Variants in PRTFDC1 observed in about 807,000 individuals in gnomAD.
PRTFDC1 encodes phosphoribosyltransferase domain-containing protein 1.
PRTFDC1 carries 38 observed loss-of-function variants against 34.6 expected under a neutral mutation model. The ratio of observed to expected loss-of-function variants is 1.10; its 90% CI spans 0.85 to 1.44. PRTFDC1 has a LOEUF of 1.44. Among genes scored for constraint, PRTFDC1 ranks in the 40% most tolerant of loss-of-function variants. The pLI, the probability that PRTFDC1 is intolerant of heterozygous loss-of-function variation, is 0.00. For synonymous variants in PRTFDC1, 93 were observed against 98.1 expected (o/e 0.95, Z 0.31); for missense variants, 270 against 283.0 (o/e 0.95, Z 0.33).
At chr10:24,873,857 T>G (rs577987753) in intron 3 of PRTFDC1, among the ~76,000 whole-genome samples, 1 of 151,948 alleles carries the variant, frequency 6.6e-6, no homozygotes, top group African/African-American at 2.4e-5. Context: ...CCTTTTGTCT[T>G]TTTACCTTGC....
At chr10:24,894,826 G>A (rs1588598378) in intron 3 of PRTFDC1, among the ~76,000 whole-genome samples, 1 of 152,192 alleles carries the variant, frequency 6.6e-6, no homozygotes, top group Non-Finnish European at 1.5e-5. Flanking sequence ...GATTGTGTAT[G>A]CCTTGGGCAA....
At chr10:24,899,552 A>C (rs1192706847) in intron 3 of PRTFDC1, among the ~76,000 whole-genome samples, 1 of 152,110 alleles carries the variant, frequency 6.6e-6, no homozygotes, top group Non-Finnish European at 1.5e-5. Context: ...TGATTTTGGG[A>C]AATAACAATT....
chr10:24,901,410 A>T (rs1175873389), intron 3 of PRTFDC1, among the ~76,000 whole-genome samples: 1 of 152,108 alleles, frequency 6.6e-6, no homozygotes, highest in East Asian at 1.9e-4. Context: ...GACCACCACC[A>T]CCTCACTTAC....
intron 2 of PRTFDC1, among the ~76,000 whole-genome samples, chr10:24,940,383 A>T (rs1467888585): frequency 6.6e-6 from 1 of 152,222 alleles, no homozygotes; most frequent in Non-Finnish European, 1.5e-5. Flanking sequence ...CAATAAGAAG[A>T]TGAACAATTG....
In PRTFDC1 at chr10:24,894,382, C is replaced by T. The variant is rs576275742; in HGVS notation, c.340-22319G>A. On this transcript the variant is annotated intron_variant, in intron 3 of 8. Transcript: ENST00000320152. ...AAAGAAAATAGGAGGGCACTGCTGG[C>T]CCTTTGGCCGTGGGAAGTGCTGCAT... 2.8e-4 allele frequency among the ~76,000 whole-genome samples: 43 copies of T among 151,614 alleles called. No homozygotes were observed. The East Asian group carries it at 6.6e-3, about 23-fold the overall frequency.
intron 3 of PRTFDC1, among the ~76,000 whole-genome samples, chr10:24,873,694 C>T (rs1439537532): frequency 1.3e-5 from 2 of 152,060 alleles, no homozygotes; most frequent in African/African-American, 4.8e-5. Context: ...CAAGCCAATT[C>T]CCTTAGGAAT....
At chr10:24,922,674 G>A (rs912499711) in intron 3 of PRTFDC1, among the ~76,000 whole-genome samples, 7 of 152,262 alleles carry the variant, frequency 4.6e-5, no homozygotes, top group East Asian at 1.9e-4. Context: ...TTCCTGGGTC[G>A]CTTCCAAGAT....
rs144973851 is a variant in PRTFDC1, at chr10:24,945,672, G to T, written c.49-3236C>A. ...AGGTCTGGCTATGTTGCCCAGGCTG[G>T]TCTCAAACTCCTGGCCTGAAGGGAT... On this transcript the variant is annotated intron_variant, in intron 1 of 8. Transcript: ENST00000320152. Among the ~76,000 whole-genome samples the T allele has an allele frequency of 6.6e-5, 10 of 152,276 alleles. No homozygotes were observed. The East Asian group carries it at 1.9e-3, about 29-fold the overall frequency.
Position 24,872,806 on chromosome 10 carries a change from ATTTTT to A in PRTFDC1, c.340-748_340-744del, listed in dbSNP as rs66588467. On this transcript the variant is annotated intron_variant, in intron 3 of 8. Coordinates refer to ENST00000320152, the MANE Select transcript of PRTFDC1 (RefSeq NM_020200.7). ...TGTGTGTGTATATATATATATATAT[ATTTTT>A]TTTTTTTTTTTTTTTTGAGACAGGG... is the stretch of plus-strand genomic sequence containing the variant. Among the ~76,000 whole-genome samples the A allele has an allele frequency of 5.8e-3, 683 of 117,612 alleles. 9 individuals carry two copies. The highest frequency in any genetic ancestry group is 0.024 in the African/African-American group (656 of 27,902). The allele number at this position is 117,612 out of a possible 152,430, so 77.2% of individuals were successfully genotyped here. A position where few individuals can be genotyped will look rare whatever the true frequency, so the allele number is the denominator to read the frequency against.
At chr10:24,921,714 GAAA>G (rs56835819) in intron 3 of PRTFDC1, among the ~76,000 whole-genome samples, 23 of 125,172 alleles carry the variant, frequency 1.8e-4, no homozygotes, top group African/African-American at 5.3e-4. Flanking sequence ...TGTTCTCTAG[GAAA>G]AAAAAAAAAA....
chr10:24,948,496 C>T (rs1409867416), intron 1 of PRTFDC1, among the ~76,000 whole-genome samples: 1 of 152,176 alleles, frequency 6.6e-6, no homozygotes, highest in African/African-American at 2.4e-5. Context: ...GCATTTGCTA[C>T]CATTTATTGT....
intron 3 of PRTFDC1, among the ~76,000 whole-genome samples, chr10:24,896,290 T>C (rs1441203103): frequency 6.6e-6 from 1 of 152,102 alleles, no homozygotes; most frequent in African/African-American, 2.4e-5. Flanking sequence ...ATGCGAGGGA[T>C]CTAGGTTGCA....
At position 24,872,232 on chromosome 10, in the gene PRTFDC1, T is replaced by G. The variant is rs577722650; in HGVS notation, c.340-169A>C. The stretch of plus-strand genomic sequence containing the variant: ...TGGTTACCAAGAGCCATGCTCCTGC[T>G]ACTGCCCTTGAGACAAAGCTTTCTA... On this transcript the variant is annotated intron_variant, in intron 3 of 8. Transcript: ENST00000320152. Among the ~76,000 whole-genome samples the G allele has an allele frequency of 1.1e-4, 16 of 152,306 alleles. No homozygotes were observed. In the South Asian group the frequency reaches 3.3e-3, roughly 32 times the overall value.
intron 3 of PRTFDC1, among the ~76,000 whole-genome samples, chr10:24,885,156 T>A (rs1297560648): frequency 1.3e-5 from 2 of 152,212 alleles, no homozygotes; most frequent in East Asian, 3.8e-4. Context: ...ACCTTAACTA[T>A]TTCAGCAAAG....
chr10:24,907,843 C>CT (rs1848561292), intron 3 of PRTFDC1, among the ~76,000 whole-genome samples: 1 of 151,888 alleles, frequency 6.6e-6, no homozygotes, highest in South Asian at 2.1e-4. Flanking sequence ...ACTTTCTGTC[C>CT]TTTTTTATTT....
At chr10:24,921,856 G>A (rs181104856) in intron 3 of PRTFDC1, among the ~76,000 whole-genome samples, 1 of 152,232 alleles carries the variant, frequency 6.6e-6, no homozygotes, top group East Asian at 1.9e-4. Context: ...TTACCTGAGT[G>A]ATTAACAATA....
At chr10:24,890,076 T>C (rs1588595018) in intron 3 of PRTFDC1, among the ~76,000 whole-genome samples, 1 of 152,288 alleles carries the variant, frequency 6.6e-6, no homozygotes. Flanking sequence ...GTTTTTGAAA[T>C]CACAGTGAAA....
At chr10:24,860,088 T>G (rs1016475567) in intron 4 of PRTFDC1, among the ~76,000 whole-genome samples, 3 of 152,126 alleles carry the variant, frequency 2.0e-5, no homozygotes, top group Admixed American at 2.0e-4. Flanking sequence ...TACAATACTT[T>G]AAGAATCATG....
At chr10:24,878,620 T>C (rs1292113530) in intron 3 of PRTFDC1, among the ~76,000 whole-genome samples, 1 of 152,114 alleles carries the variant, frequency 6.6e-6, no homozygotes, top group Non-Finnish European at 1.5e-5. Context: ...AAATATTAGG[T>C]GACCTGGGCT....
Sources: gnomAD v4.1 joint callset for allele counts (sites outside exome capture counted in the v4.1 genomes callset) on GRCh38, gnomAD v4.1.1 for gene constraint, MANE v1.5 for transcripts, NCBI Gene and HGNC (gene_info 2026-07-23, HGNC 2026-07-21) for gene names.